The following PRDX3 variants were observed in gnomAD, a reference collection of about 807,000 sequenced individuals.
PRDX3 encodes peroxiredoxin 3.
In PRDX3, 20 loss-of-function variants were observed where a neutral mutation model predicts 30.4. The ratio of observed to expected loss-of-function variants is 0.66; its 90% CI spans 0.46 to 0.96. PRDX3 has a LOEUF of 0.96. Ranked by LOEUF, PRDX3 falls within the 40% of genes least tolerant of loss-of-function variation. The pLI, the probability that PRDX3 is intolerant of heterozygous loss-of-function variation, is 0.00. For synonymous variants in PRDX3, 124 were observed against 117.8 expected (o/e 1.05, Z -0.34); for missense variants, 322 against 318.3 (o/e 1.01, Z -0.09).
chr10:119,178,453 C>T (rs1389979293), intron 1 of PRDX3, among the ~76,000 whole-genome samples: 2 of 152,216 alleles, frequency 1.3e-5, no homozygotes, highest in Non-Finnish European at 2.9e-5. Flanking sequence ...AGGCGCTTGC[C>T]CAAGATCACA....
intron 4 of PRDX3, 149 bp from the exon 5 acceptor site, chr10:119,172,634 C>G: frequency 4.4e-6 from 3 of 679,078 alleles, no homozygotes; most frequent in Non-Finnish European, 7.9e-6. Flanking sequence ...AACCTACTGC[C>G]TCCTCGAAAC....
intron 4 of PRDX3, among the ~76,000 whole-genome samples, chr10:119,173,502 G>A (rs546112383): frequency 4.5e-4 from 69 of 152,032 alleles, no homozygotes; most frequent in Admixed American, 6.6e-4. Flanking sequence ...CCAGCTACTC[G>A]GGAAGCTGAG....
chr10:119,175,399 A>C (rs1334533549), intron 2 of PRDX3, among the ~76,000 whole-genome samples: 7 of 152,170 alleles, frequency 4.6e-5, no homozygotes, highest in Non-Finnish European at 1.0e-4. Flanking sequence ...TTAGCAGGAA[A>C]GATAACAGAG....
At chr10:119,174,328 G>T in intron 3 of PRDX3, 123 bp downstream of exon 3, 2 of 1,235,196 alleles carry the variant, frequency 1.6e-6, no homozygotes, top group Non-Finnish European at 2.2e-6. Flanking sequence ...GGCCATCAGT[G>T]ATAAAGGGTC....
At chr10:119,173,943 A>G in intron 3 of PRDX3, 71 bp from the exon 4 acceptor site, 1 of 1,490,938 alleles carries the variant, frequency 6.7e-7, no homozygotes, top group Non-Finnish European at 9.2e-7. Flanking sequence ...GTGGTCTAAC[A>G]ACTAGTTCAA....
intron 1 of PRDX3, among the ~76,000 whole-genome samples, chr10:119,177,914 T>C (rs1169387716): frequency 6.3e-5 from 9 of 143,650 alleles, no homozygotes; most frequent in African/African-American, 2.3e-4. Context: ...AGAGTCTCGC[T>C]CTTTTACCCA....
At chr10:119,175,783 A>ATTT (rs35370028) in intron 2 of PRDX3, among the ~76,000 whole-genome samples, 3 of 143,376 alleles carry the variant, frequency 2.1e-5, no homozygotes, top group African/African-American at 5.1e-5. Flanking sequence ...GGTTTCAGTG[A>ATTT]TTTTTTTTTT....
At chr10:119,176,870 T>C (rs1848040285) in intron 2 of PRDX3, 151 bp downstream of exon 2, 1 of 904,950 alleles carries the variant, frequency 1.1e-6, no homozygotes, top group South Asian at 1.6e-5. Flanking sequence ...CCCCACAGAC[T>C]AACTTGTCTG....
chr10:119,177,706 A>G (rs999044777), intron 1 of PRDX3, among the ~76,000 whole-genome samples: 2 of 149,262 alleles, frequency 1.3e-5, no homozygotes, highest in Non-Finnish European at 3.0e-5. Context: ...CACAGGGTTC[A>G]GAAGCCAGGG....
intron 4 of PRDX3, among the ~76,000 whole-genome samples, chr10:119,173,258 C>T (rs1364027910): frequency 1.3e-5 from 2 of 152,082 alleles, no homozygotes; most frequent in South Asian, 2.1e-4. Context: ...ATTCTTAAAG[C>T]ATTCTTTTAA....
chr10:119,177,018 T>TA lies in PRDX3; in HGVS notation c.169+2dup. ...TCCAGCCAAGACATGACATAACACTTACTGGTGCTGAATAATTTTGCTTGA... is the reference window on the plus strand; with the variant it reads ...TCCAGCCAAGACATGACATAACACTTAACTGGTGCTGAATAATTTTGCTTGA... On this transcript the variant is annotated splice_region_variant and intron_variant, in intron 2 of 6. Coordinates refer to ENST00000298510, the MANE Select transcript of PRDX3 (RefSeq NM_006793.5). 6.2e-7 allele frequency: 1 copy of TA among 1,614,038 alleles called. No individual in the cohort carries two copies. The highest frequency in any genetic ancestry group is 8.5e-7 in the Non-Finnish European group (1 of 1,179,932).
At chr10:119,173,329 G>C (rs1271289523) in intron 4 of PRDX3, among the ~76,000 whole-genome samples, 1 of 152,168 alleles carries the variant, frequency 6.6e-6, no homozygotes, top group Non-Finnish European at 1.5e-5. Context: ...CCTTGAGTAG[G>C]CCAGGTGTGG....
intron 5 of PRDX3, 45 bp from the exon 6 acceptor site, chr10:119,169,387 C>T: frequency 6.6e-7 from 1 of 1,512,968 alleles, no homozygotes; most frequent in South Asian, 1.2e-5. Flanking sequence ...AGTACCAGAA[C>T]TAGAACAGTC....
At chr10:119,175,421 G>A (rs1470165922) in intron 2 of PRDX3, among the ~76,000 whole-genome samples, 1 of 152,196 alleles carries the variant, frequency 6.6e-6, no homozygotes, top group African/African-American at 2.4e-5. Flanking sequence ...CAAGGGCGGA[G>A]TCTCGCTCTG....
At chr10:119,171,693 C>A (rs2133654846) in intron 5 of PRDX3, among the ~76,000 whole-genome samples, 1 of 152,314 alleles carries the variant, frequency 6.6e-6, no homozygotes, top group East Asian at 1.9e-4. Flanking sequence ...AATCCTCACA[C>A]CCACCTGTGA....
Position 119,178,805 on chromosome 10 carries a change from G to A in PRDX3, c.-15C>T. ...GCAGCCGCCATCTTCAGTGCACTCG[G>A]GCGCCACGGGGCGGGCAGAGACGCA... On this transcript the variant is annotated 5_prime_UTR_variant, in exon 1 of 7. Coordinates refer to ENST00000298510, the MANE Select transcript of PRDX3 (RefSeq NM_006793.5). The A allele has an allele frequency of 1.3e-6, 2 of 1,551,324 alleles. No individual in the cohort carries two copies. The highest frequency in any genetic ancestry group is 2.4e-5 in the South Asian group (2 of 84,110).
At chr10:119,177,870 T>C (rs949149009) in intron 1 of PRDX3, among the ~76,000 whole-genome samples, 1 of 134,234 alleles carries the variant, frequency 7.4e-6, no homozygotes, top group Non-Finnish European at 1.5e-5. Context: ...TCAAGGGACA[T>C]GTTTACTCAA....
In PRDX3 at chr10:119,173,999, A is replaced by C. The variant is rs903896801; in HGVS notation, c.312-127T>G. ...CAAAATGGTTTACCATCCTCACTGG[A>C]CTATAGTGTTGTGCTGGCAAAAGTA... On this transcript the variant is annotated intron_variant, in intron 3 of 6. Coordinates refer to ENST00000298510, the MANE Select transcript of PRDX3 (RefSeq NM_006793.5). 4.6e-6 allele frequency: 4 copies of C among 874,038 alleles called. No homozygotes were observed. The Admixed American group carries it at 1.2e-4, about 27-fold the overall frequency. The allele number at this position is 874,038 out of a possible 1,614,324, so 54.1% of individuals were successfully genotyped here.
rs1848107365 is a variant in PRDX3, at chr10:119,178,741, C to A, written c.36+14G>T. On this transcript the variant is annotated intron_variant, in intron 1 of 6. Coordinates refer to ENST00000298510, the MANE Select transcript of PRDX3 (RefSeq NM_006793.5). ...CAGTGTCTCCACGCCTGTCCCCAGC[C>A]GACAGCCACTCACCGACGCTCGGAG... 2 of 1,551,306 alleles carry A rather than the reference C, an allele frequency of 1.3e-6. No homozygotes were observed. The highest frequency in any genetic ancestry group is 1.2e-5 in the South Asian group (1 of 84,140).
Sources: allele counts gnomAD v4.1 joint callset (sites outside exome capture counted in the v4.1 genomes callset), GRCh38; gene constraint gnomAD v4.1.1; transcripts MANE v1.5; gene names NCBI Gene and HGNC (gene_info 2026-07-23, HGNC 2026-07-21).